Variants in BCL9 observed in about 807,000 individuals in gnomAD.
BCL9 encodes the protein BCL9 transcription coactivator.
A neutral mutation model predicts 88.5 loss-of-function variants in BCL9; 25 were observed. That is an observed-to-expected ratio of 0.28 (90% CI 0.21 to 0.39). BCL9 has a LOEUF of 0.39. BCL9 is among the 10% of genes least tolerant of loss of function. BCL9 has a pLI of 1.00. For synonymous variants in BCL9, 711 were observed against 673.3 expected, an observed-to-expected ratio of 1.06 and a Z score of -0.87; for missense variants, 1,817 against 1,877.8, an observed-to-expected ratio of 0.97 and a Z score of 0.60.
chr1:147,572,244 AAAAAACAAAAAC>A (rs373024773), intron 1 of BCL9, among the ~76,000 whole-genome samples: 6 of 152,170 alleles, frequency 3.9e-5, no homozygotes, highest in African/African-American at 1.2e-4. Flanking sequence ...CTCCGTCTCA[AAAAAACAAAAAC>A]AAAAACAAAA....
chr1:147,598,930 C>G (rs1657177694), intron 1 of BCL9, among the ~76,000 whole-genome samples: 1 of 152,246 alleles, frequency 6.6e-6, no homozygotes, highest in Non-Finnish European at 1.5e-5. Context: ...GCAACATGCT[C>G]TAACCATGAT....
chr1:147,580,332 G>A (rs1483629458), intron 1 of BCL9, among the ~76,000 whole-genome samples: 1 of 152,166 alleles, frequency 6.6e-6, no homozygotes, highest in South Asian at 2.1e-4. Flanking sequence ...CTGAATGTAC[G>A]TAAAGAAAAG....
chr1:147,566,393 AC>A (rs1192169613), intron 1 of BCL9, among the ~76,000 whole-genome samples: 1 of 151,636 alleles, frequency 6.6e-6, no homozygotes, highest in Non-Finnish European at 1.5e-5. Context: ...AATTCAGGGG[AC>A]CCCCCTGAAG....
chr1:147,571,387 C>T (rs1553197397), intron 1 of BCL9, among the ~76,000 whole-genome samples: 1 of 152,118 alleles, frequency 6.6e-6, no homozygotes, highest in African/African-American at 2.4e-5. Flanking sequence ...CAACCTGACA[C>T]CACCCTTGGG....
At chr1:147,582,936 T>C (rs1243002920) in intron 1 of BCL9, among the ~76,000 whole-genome samples, 2 of 152,356 alleles carry the variant, frequency 1.3e-5, no homozygotes, top group African/African-American at 4.8e-5. Flanking sequence ...CACTGAACAC[T>C]GGAATTTTTT....
intron 1 of BCL9, among the ~76,000 whole-genome samples, chr1:147,591,492 G>A (rs1656843478): frequency 6.6e-6 from 1 of 152,152 alleles, no homozygotes; most frequent in Non-Finnish European, 1.5e-5. Context: ...AACAGTTGAG[G>A]GAGAGCAATT....
At chr1:147,566,744 G>A (rs901123139) in intron 1 of BCL9, among the ~76,000 whole-genome samples, 2 of 138,548 alleles carry the variant, frequency 1.4e-5, no homozygotes, top group Non-Finnish European at 3.1e-5. Context: ...GTGACAGAGC[G>A]AGACGCTGTC....
At chr1:147,549,016 G>T (rs900273660) in intron 1 of BCL9, among the ~76,000 whole-genome samples, 7 of 85,008 alleles carry the variant, frequency 8.2e-5, no homozygotes, top group Non-Finnish European at 1.3e-4. Context: ...TTGCTCTGTT[G>T]CCTAGGCTGG....
Position 147,601,306 on chromosome 1 carries a change from A to G in BCL9, c.-477-3471A>G, listed in dbSNP as rs898456571. 6.6e-5 allele frequency among the ~76,000 whole-genome samples: 10 copies of G among 152,326 alleles called. No individual in the cohort carries two copies. In the South Asian group the frequency reaches 2.1e-3, roughly 32 times the overall value. On this transcript the variant is annotated intron_variant, in intron 1 of 9. Coordinates refer to ENST00000234739, the MANE Select transcript of BCL9 (RefSeq NM_004326.4). Reference sequence around the variant, plus strand: ...TGTAAGATGGGATAGAATTGATGCAAAATTTGACTTTGATTACAGCAAACA... The same window carrying G: ...TGTAAGATGGGATAGAATTGATGCAGAATTTGACTTTGATTACAGCAAACA...
At chr1:147,591,297 C>T (rs1298537736) in intron 1 of BCL9, among the ~76,000 whole-genome samples, 2 of 152,072 alleles carry the variant, frequency 1.3e-5, no homozygotes, top group South Asian at 2.1e-4. Flanking sequence ...TAATTCCCAC[C>T]TTATTTATCT....
intron 1 of BCL9, among the ~76,000 whole-genome samples, chr1:147,584,485 A>G (rs1656511523): frequency 6.6e-6 from 1 of 152,172 alleles, no homozygotes; most frequent in South Asian, 2.1e-4. Flanking sequence ...TAGAATTATT[A>G]TTCCAATGTT....
At chr1:147,544,130 C>T (rs1272638371) in intron 1 of BCL9, among the ~76,000 whole-genome samples, 2 of 152,218 alleles carry the variant, frequency 1.3e-5, no homozygotes, top group African/African-American at 4.8e-5. Flanking sequence ...CCTCAGGGAA[C>T]TTACAGTCTT....
At position 147,625,112 on chromosome 1, in the gene BCL9, G is replaced by A. The variant is rs1354542154; in HGVS notation, c.*153G>A. 1.2e-5 allele frequency: 10 copies of A among 849,192 alleles called. No homozygotes were observed. The highest frequency in any genetic ancestry group is 1.7e-5 in the African/African-American group (1 of 58,722). The allele number at this position is 849,192 out of a possible 1,614,324, so 52.6% of individuals were successfully genotyped here. The stretch of plus-strand genomic sequence containing the variant: ...TTGGGGGAGGGGGGAACTCGAGAAT[G>A]TATGGATTTACCTGAAAACAAATTA... On this transcript the variant is annotated 3_prime_UTR_variant, in exon 10 of 10. Transcript: ENST00000234739.
At chr1:147,613,432 T>C (rs1487156304) in intron 5 of BCL9, among the ~76,000 whole-genome samples, 2 of 152,174 alleles carry the variant, frequency 1.3e-5, no homozygotes, top group African/African-American at 4.8e-5. Flanking sequence ...ATGCAACGGT[T>C]TAGGGGTTAT....
chr1:147,582,424 T>C (rs1656407911), intron 1 of BCL9, among the ~76,000 whole-genome samples: 1 of 152,206 alleles, frequency 6.6e-6, no homozygotes, highest in Non-Finnish European at 1.5e-5. Flanking sequence ...TATTTAAAAA[T>C]GTATTTATAC....
At chr1:147,612,805 T>C (rs1553202815) in intron 4 of BCL9, 78 bp from the exon 5 acceptor site, 5 of 1,450,666 alleles carry the variant, frequency 3.4e-6, no homozygotes, top group East Asian at 2.3e-5. Context: ...TGACCCCCAA[T>C]AGAAACTGCC....
chr1:147,604,215 C>T (rs1262909224), intron 1 of BCL9, among the ~76,000 whole-genome samples: 5 of 152,150 alleles, frequency 3.3e-5, no homozygotes, highest in Admixed American at 2.6e-4. Context: ...TCTGAGCTTT[C>T]CCCAGGAGGT....
At chr1:147,617,677 T>C (rs1658358533) in intron 7 of BCL9, among the ~76,000 whole-genome samples, 1 of 152,256 alleles carries the variant, frequency 6.6e-6, no homozygotes, top group African/African-American at 2.4e-5. Context: ...CACGTAATTA[T>C]TTGTTTACAT....
intron 1 of BCL9, among the ~76,000 whole-genome samples, chr1:147,566,330 ATGTATGT>A (rs1553196670): frequency 6.6e-6 from 1 of 152,152 alleles, no homozygotes; most frequent in African/African-American, 2.4e-5. Context: ...TGAGAATAAA[ATGTATGT>A]ATAGGCAGGA....
Sources: allele counts gnomAD v4.1 joint callset (sites outside exome capture counted in the v4.1 genomes callset), GRCh38; gene constraint gnomAD v4.1.1; transcripts MANE v1.5; gene names NCBI Gene and HGNC (gene_info 2026-07-23, HGNC 2026-07-21).